The following CD28 variants were observed in gnomAD, a reference collection of about 807,000 sequenced individuals.
The protein encoded by CD28 is CD28 molecule.
Under a neutral mutation model 21.4 loss-of-function variants are expected in CD28, and 8 were observed. The ratio of observed to expected loss-of-function variants is 0.37; its 90% CI spans 0.22 to 0.68. CD28 has a LOEUF of 0.68. Ranked by LOEUF, CD28 falls within the 30% of genes least tolerant of loss-of-function variation. The probability of loss-of-function intolerance (pLI) is 0.55; values close to 1 mark genes in which losing one functional copy is unlikely to be tolerated. For synonymous variants in CD28, 106 were observed against 104.0 expected (o/e 1.02, Z -0.12); for missense variants, 239 against 272.2 (o/e 0.88, Z 0.86).
chr2:203,735,229 T>A lies in CD28; in HGVS notation c.*317T>A, dbSNP rs202087235. 9.5e-6 allele frequency: 3 copies of A among 314,580 alleles called. No homozygotes were observed. The Admixed American group carries it at 1.4e-4, about 15-fold the overall frequency. 19.5% of individuals were successfully genotyped at this position (314,580 alleles called of 1,614,324 possible). On this transcript the variant is annotated 3_prime_UTR_variant, in exon 4 of 4. Transcript: ENST00000324106. ...GAGTGGATTCTGGGAGCCTCTTCCC[T>A]TTCTCACTCACCTGCACATCTCAGT...
At position 203,706,651 on chromosome 2, in the gene CD28, C is replaced by G. The variant is rs1693163763; in HGVS notation, c.-46C>G. ...TTCAGTTCCCCTCACACTTCGGGTT[C>G]CTCGGGGAGGAGGGGCTGGAACCCT... On this transcript the variant is annotated 5_prime_UTR_variant, in exon 1 of 4. Transcript: ENST00000324106. 3 of 1,613,860 alleles carry G rather than the reference C, an allele frequency of 1.9e-6. No homozygotes were observed. The highest frequency in any genetic ancestry group is 2.5e-6 in the Non-Finnish European group (3 of 1,179,976).
intron 3 of CD28, 43 bp downstream of exon 3, chr2:203,729,815 C>T: frequency 6.3e-7 from 1 of 1,598,062 alleles, no homozygotes; most frequent in Non-Finnish European, 8.5e-7. Flanking sequence ...TTCCACTGCA[C>T]ATGAAATCTG....
At chr2:203,729,869 A>T in intron 3 of CD28, 97 bp downstream of exon 3, 3 of 1,214,018 alleles carry the variant, frequency 2.5e-6, no homozygotes, top group Non-Finnish European at 3.5e-6. Context: ...TTTCTGTTTA[A>T]TATAGGATGA....
intron 1 of CD28, among the ~76,000 whole-genome samples, chr2:203,708,294 G>A (rs148091439): frequency 6.6e-6 from 1 of 152,306 alleles, no homozygotes; most frequent in African/African-American, 2.4e-5. Flanking sequence ...AGTTGGCAAT[G>A]AGATCTGGTA....
intron 1 of CD28, among the ~76,000 whole-genome samples, chr2:203,709,453 A>G (rs182921511): frequency 1.2e-4 from 18 of 152,368 alleles, no homozygotes; most frequent in Admixed American, 9.8e-4. Context: ...TATTTATTCT[A>G]TAAAGGTTAA....
At chr2:203,723,200 T>C (rs1330287746) in intron 1 of CD28, among the ~76,000 whole-genome samples, 1 of 152,154 alleles carries the variant, frequency 6.6e-6, no homozygotes, top group African/African-American at 2.4e-5. Flanking sequence ...ATCCACAGAA[T>C]GAGAGAAAAC....
At chr2:203,733,714 T>C (rs924022752) in intron 3 of CD28, among the ~76,000 whole-genome samples, 14 of 152,078 alleles carry the variant, frequency 9.2e-5, no homozygotes, top group Middle Eastern at 3.4e-3. Flanking sequence ...CAAAGAGAAA[T>C]AGTATCACAA....
intron 1 of CD28, among the ~76,000 whole-genome samples, chr2:203,726,178 T>G (rs1693743052): frequency 6.6e-6 from 1 of 152,190 alleles, no homozygotes; most frequent in African/African-American, 2.4e-5. Flanking sequence ...ACCACTGCAC[T>G]TCAGCCTGGG....
intron 1 of CD28, among the ~76,000 whole-genome samples, chr2:203,721,628 A>T (rs1236398379): frequency 3.9e-5 from 6 of 152,080 alleles, no homozygotes; most frequent in Non-Finnish European, 1.5e-5. Flanking sequence ...AAGTTGGTCA[A>T]ATCCATGTAT....
chr2:203,731,727 T>G (rs1385922125), intron 3 of CD28, among the ~76,000 whole-genome samples: 1 of 152,240 alleles, frequency 6.6e-6, no homozygotes, highest in African/African-American at 2.4e-5. Flanking sequence ...AACCGTTCAC[T>G]TTCAACTCAG....
At chr2:203,716,054 T>C (rs1693454586) in intron 1 of CD28, among the ~76,000 whole-genome samples, 1 of 152,196 alleles carries the variant, frequency 6.6e-6, no homozygotes, top group South Asian at 2.1e-4. Context: ...ACCACAACAT[T>C]CTCAACTCAG....
chr2:203,711,345 G>T (rs1002460376), intron 1 of CD28, among the ~76,000 whole-genome samples: 5 of 152,112 alleles, frequency 3.3e-5, no homozygotes, highest in South Asian at 2.1e-4. Context: ...TTTGGTAGAG[G>T]CTTGGAAAAA....
At chr2:203,711,026 G>T (rs1581498535) in intron 1 of CD28, among the ~76,000 whole-genome samples, 1 of 152,132 alleles carries the variant, frequency 6.6e-6, no homozygotes, top group Non-Finnish European at 1.5e-5. Context: ...TGACTGAATG[G>T]CTCTCTGGTT....
At chr2:203,730,042 G>T (rs1341120987) in intron 3 of CD28, among the ~76,000 whole-genome samples, 1 of 152,176 alleles carries the variant, frequency 6.6e-6, no homozygotes, top group African/African-American at 2.4e-5. Flanking sequence ...ATTAGGAGCA[G>T]TTGCCTTTCT....
At position 203,736,111 on chromosome 2, in the gene CD28, G is replaced by C. The variant is rs191146092; in HGVS notation, c.*1199G>C. 6.5e-6 allele frequency: 1 copy of C among 152,792 alleles called. No homozygotes were observed. Among genetic ancestry groups the C allele is most frequent in the East Asian group, 1.9e-4 (1 of 5,190 alleles). 9.5% of individuals were successfully genotyped at this position (152,792 alleles called of 1,614,324 possible). On this transcript the variant is annotated 3_prime_UTR_variant, in exon 4 of 4. Coordinates refer to ENST00000324106, the MANE Select transcript of CD28 (RefSeq NM_006139.4). ...TTCATTCCAATCAGACCAGGTAGGA[G>C]CTTTCCTGTTTCATATGTTTCAGGG...
intron 3 of CD28, among the ~76,000 whole-genome samples, chr2:203,731,932 T>A (rs1463834342): frequency 6.6e-6 from 1 of 152,208 alleles, no homozygotes; most frequent in African/African-American, 2.4e-5. Context: ...CTTATCTGCA[T>A]CTCAAACCTG....
At chr2:203,721,306 C>T (rs1693599069) in intron 1 of CD28, among the ~76,000 whole-genome samples, 2 of 152,176 alleles carry the variant, frequency 1.3e-5, no homozygotes, top group African/African-American at 4.8e-5. Flanking sequence ...CACTTTTCTG[C>T]ATAAAAGCCT....
At chr2:203,731,119 C>T (rs1693878259) in intron 3 of CD28, among the ~76,000 whole-genome samples, 1 of 152,188 alleles carries the variant, frequency 6.6e-6, no homozygotes, top group Admixed American at 6.5e-5. Flanking sequence ...AAAGTGGTTG[C>T]TTGTTCCTGG....
rs957060733 is a variant in CD28 at position 203,736,726 on chromosome 2, G to A, written c.*1814G>A. On this transcript the variant is annotated 3_prime_UTR_variant, in exon 4 of 4. Coordinates refer to ENST00000324106, the MANE Select transcript of CD28 (RefSeq NM_006139.4). The stretch of plus-strand genomic sequence containing the variant: ...CGTAGACTTGGTTCAAGTCTCGTTA[G>A]TAGTTGAATAGCCTCAGGCAAGTCA... 4 of 152,334 alleles carry A rather than the reference G, an allele frequency of 2.6e-5. No homozygotes were observed. The highest frequency in any genetic ancestry group is 9.6e-5 in the African/African-American group (4 of 41,580). 9.4% of individuals were successfully genotyped at this position (152,334 alleles called of 1,614,324 possible).
Sources: allele counts gnomAD v4.1 joint callset (sites outside exome capture counted in the v4.1 genomes callset), GRCh38; gene constraint gnomAD v4.1.1; transcripts MANE v1.5; gene names NCBI Gene and HGNC (gene_info 2026-07-23, HGNC 2026-07-21).